Variants in METTL8 observed in about 807,000 individuals in gnomAD.
METTL8 encodes methyltransferase 8, tRNA N3-cytidine, also known as tRNA N(3)-cytidine methyltransferase METTL8, mitochondrial.
METTL8 carries 32 observed loss-of-function variants against 48.7 expected under a neutral mutation model. The ratio of observed to expected loss-of-function variants is 0.66; its 90% CI spans 0.50 to 0.88. The LOEUF (loss-of-function observed/expected upper bound fraction) is 0.88, where lower values mean the gene tolerates loss of function less well. Ranked by LOEUF, METTL8 falls within the 40% of genes least tolerant of loss-of-function variation. The pLI is 0.00. For missense variants in METTL8, 464 were observed against 474.4 expected (o/e 0.98, Z 0.20); for synonymous variants, 136 against 157.1 (o/e 0.87, Z 1.01).
chr2:171,429,046 A>C lies in METTL8; in HGVS notation c.-13+4837T>G, dbSNP rs138359809. Among the ~76,000 whole-genome samples the C allele has an allele frequency of 3.3e-3, 503 of 152,116 alleles. 2 individuals are homozygous for C. Among genetic ancestry groups the C allele is most frequent in the African/African-American group, 0.011 (461 of 41,494 alleles). On this transcript the variant is annotated intron_variant, in intron 1 of 9. Coordinates refer to ENST00000375258, the MANE Select transcript of METTL8 (RefSeq NM_001321154.2). ...AGGTACCTTATGTGAACCCCTAGGGATTTTGTACACATATCTTCAAGGCTA... is the reference window on the plus strand; with the variant it reads ...AGGTACCTTATGTGAACCCCTAGGGCTTTTGTACACATATCTTCAAGGCTA...
chr2:171,429,247 T>A (rs1692732439), intron 1 of METTL8, among the ~76,000 whole-genome samples: 1 of 152,174 alleles, frequency 6.6e-6, no homozygotes, highest in African/African-American at 2.4e-5. Flanking sequence ...AAACAAGTGG[T>A]GCTGTTTGTC....
In METTL8 at chr2:171,339,197, A is replaced by T; in HGVS notation, c.593T>A (p.Phe198Tyr). ...TGAGCACAATACCTCTAGTATCCTG[A>T]AAGTGGCATTGCTACCAGGAAACAA... is the stretch of plus-strand genomic sequence containing the variant. ...TGLFPGSNAT[F>Y]RILEVGCGAG... Residue 198 changes from phenylalanine to tyrosine, a missense_variant, in exon 4 of 10, where the codon TTC becomes TAC. Phe to Tyr is a conservative substitution (Grantham distance 22). Transcript: ENST00000375258. 1 of 1,532,810 alleles carries T rather than the reference A, an allele frequency of 6.5e-7. No homozygotes were observed. Among genetic ancestry groups the T allele is most frequent in the East Asian group, 2.3e-5 (1 of 44,216 alleles). 95.0% of individuals were successfully genotyped at this position (1,532,810 alleles called of 1,614,324 possible). A position where few individuals can be genotyped will look rare whatever the true frequency, so the allele number is the denominator to read the frequency against.
At chr2:171,401,788 G>A (rs964029340) in intron 1 of METTL8, among the ~76,000 whole-genome samples, 5 of 152,148 alleles carry the variant, frequency 3.3e-5, no homozygotes, top group African/African-American at 1.2e-4. Flanking sequence ...AAGGAAAAAA[G>A]CCTGGATTCT....
intron 1 of METTL8, among the ~76,000 whole-genome samples, chr2:171,417,777 G>GT (rs1559208494): frequency 6.6e-6 from 1 of 152,160 alleles, no homozygotes; most frequent in Non-Finnish European, 1.5e-5. Context: ...ATGTGATATA[G>GT]TTTCCCCCAC....
At chr2:171,353,447 G>T (rs1311085701) in intron 3 of METTL8, among the ~76,000 whole-genome samples, 2 of 152,210 alleles carry the variant, frequency 1.3e-5, no homozygotes, top group Non-Finnish European at 2.9e-5. Flanking sequence ...ATGTTCTGTT[G>T]ATCTGGGGTG....
At chr2:171,380,870 A>G (rs769611520) in intron 2 of METTL8, among the ~76,000 whole-genome samples, 2 of 152,200 alleles carry the variant, frequency 1.3e-5, no homozygotes, top group Non-Finnish European at 1.5e-5. Flanking sequence ...ACTACTGTTG[A>G]CTTTCTTCAC....
At chr2:171,334,157 A>T (rs996648219) in intron 5 of METTL8, among the ~76,000 whole-genome samples, 1 of 152,212 alleles carries the variant, frequency 6.6e-6, no homozygotes, top group Non-Finnish European at 1.5e-5. Flanking sequence ...GGACACTGGT[A>T]TGTCTAGCTC....
intron 1 of METTL8, among the ~76,000 whole-genome samples, chr2:171,393,339 A>G (rs1006938919): frequency 7.0e-6 from 1 of 142,816 alleles, no homozygotes; most frequent in East Asian, 2.2e-4. Context: ...CTGAAGCTGT[A>G]GTGAGCCATG....
At position 171,321,642 on chromosome 2, in the gene METTL8, T is replaced by C. The variant is rs1177934698; in HGVS notation, c.*2530A>G. The stretch of plus-strand genomic sequence containing the variant: ...CTTTCAAGAGAGTATTTATTTATTC[T>C]AGGTTCTGTGGTTCATAATCAAAGT... On this transcript the variant is annotated 3_prime_UTR_variant, in exon 10 of 10. Transcript: ENST00000375258. 2 of 152,234 alleles carry C rather than the reference T, an allele frequency of 1.3e-5. No individual in the cohort carries two copies. The highest frequency in any genetic ancestry group is 1.9e-4 in the East Asian group (1 of 5,196). 9.4% of individuals were successfully genotyped at this position (152,234 alleles called of 1,614,324 possible). A position where few individuals can be genotyped will look rare whatever the true frequency, so the allele number is the denominator to read the frequency against.
At chr2:171,396,089 T>C (rs1053373868) in intron 1 of METTL8, among the ~76,000 whole-genome samples, 1 of 151,904 alleles carries the variant, frequency 6.6e-6, no homozygotes, top group Admixed American at 6.6e-5. Flanking sequence ...CTGGCCAACA[T>C]GGTGAAACCC....
At chr2:171,367,665 T>G (rs1369821417) in intron 2 of METTL8, among the ~76,000 whole-genome samples, 2 of 152,186 alleles carry the variant, frequency 1.3e-5, no homozygotes, top group Non-Finnish European at 1.5e-5. Flanking sequence ...TTTAAAAAAC[T>G]CAACTAACTA....
intron 2 of METTL8, among the ~76,000 whole-genome samples, chr2:171,386,977 C>T (rs1688116629): frequency 6.6e-6 from 1 of 152,094 alleles, no homozygotes; most frequent in African/African-American, 2.4e-5. Flanking sequence ...GTCCACCTAG[C>T]GGTCCGACTC....
At chr2:171,389,978 A>G (rs1399774830) in intron 2 of METTL8, among the ~76,000 whole-genome samples, 1 of 152,240 alleles carries the variant, frequency 6.6e-6, no homozygotes, top group African/African-American at 2.4e-5. Context: ...GGAGAAGTCA[A>G]TGCCTGGCTT....
Position 171,326,090 on chromosome 2 carries a change from A to G in METTL8, c.919T>C (p.Phe307Leu), listed in dbSNP as rs1684926305. 6.5e-7 allele frequency: 1 copy of G among 1,550,008 alleles called. No homozygotes were observed. The highest frequency in any genetic ancestry group is 1.4e-5 in the African/African-American group (1 of 72,460). Residue 307 changes from phenylalanine (F) to leucine (L), a missense_variant, in exon 8 of 10, where the codon TTT (phenylalanine) becomes CTT (leucine). Phe to Leu is a conservative substitution (Grantham distance 22). Coordinates refer to ENST00000375258, the MANE Select transcript of METTL8 (RefSeq NM_001321154.2). Reference protein sequence around the residue: ...KLLKPGGMLLFRDYGRYDKTQ... With the variant: ...KLLKPGGMLLLRDYGRYDKTQ... ...TTATCATATCTTCCATAGTCTCGAA[A>G]TAACAGCATTCCCCCAGGTTTCAGT...
chr2:171,339,584 T>C (rs905803612), intron 3 of METTL8, 30 bp from the exon 4 acceptor site: 2 of 1,256,222 alleles, frequency 1.6e-6, no homozygotes, highest in Non-Finnish European at 2.2e-6. Context: ...GAAAGATTTA[T>C]TTTACTACGA....
chr2:171,399,422 G>C (rs1454993968), intron 1 of METTL8, among the ~76,000 whole-genome samples: 1 of 152,128 alleles, frequency 6.6e-6, no homozygotes, highest in Non-Finnish European at 1.5e-5. Flanking sequence ...ATGTATAAAA[G>C]GACTTGGGTT....
intron 3 of METTL8, among the ~76,000 whole-genome samples, chr2:171,353,962 T>C (rs1684242121): frequency 2.0e-5 from 3 of 152,328 alleles, no homozygotes; most frequent in African/African-American, 7.2e-5. Context: ...CATTTACATT[T>C]AAGGTTAATA....
At chr2:171,343,182 A>G (rs1686948043) in intron 3 of METTL8, among the ~76,000 whole-genome samples, 1 of 152,218 alleles carries the variant, frequency 6.6e-6, no homozygotes, top group Non-Finnish European at 1.5e-5. Flanking sequence ...GCTCATGCCT[A>G]CAATACCGGC....
upstream of METTL8, chr2:171,434,344 A>T: frequency 1.4e-6 from 1 of 735,162 alleles, no homozygotes; most frequent in East Asian, 3.0e-5. Flanking sequence ...CCTGGGGCAG[A>T]TCGAAAAGGG....
Sources: gnomAD v4.1 joint callset for allele counts (sites outside exome capture counted in the v4.1 genomes callset) on GRCh38, gnomAD v4.1.1 for gene constraint, MANE v1.5 for transcripts, NCBI Gene and HGNC (gene_info 2026-07-23, HGNC 2026-07-21) for gene names.